The following SLIT1 variants were observed in gnomAD, a reference collection of about 807,000 sequenced individuals.
The protein encoded by SLIT1 is slit guidance ligand 1, also known as slit homolog 1 protein.
In SLIT1, 66 loss-of-function variants were observed where a neutral mutation model predicts 186.1. The observed-to-expected ratio is 0.35, with a 90% CI of 0.29 to 0.44. SLIT1 has a LOEUF of 0.44. SLIT1 is among the 20% of genes least tolerant of loss of function. The pLI is 1.00. For synonymous variants in SLIT1, 761 were observed against 833.8 expected (o/e 0.91, Z 1.50); for missense variants, 1,638 against 2,037.4 (o/e 0.80, Z 3.77).
intron 25 of SLIT1, among the ~76,000 whole-genome samples, chr10:97,026,455 A>G (rs1425183611): frequency 1.4e-5 from 2 of 146,334 alleles, no homozygotes; most frequent in Non-Finnish European, 3.0e-5. Context: ...TAAGAGCGAA[A>G]CTCCGTCTCT....
chr10:97,011,630 A>C (rs2134592378), intron 30 of SLIT1, among the ~76,000 whole-genome samples: 1 of 152,238 alleles, frequency 6.6e-6, no homozygotes, highest in Middle Eastern at 3.4e-3. Context: ...GACCTCAGGT[A>C]AGCCCCCAGC....
chr10:97,111,106 C>T (rs1849460157), intron 4 of SLIT1, among the ~76,000 whole-genome samples: 1 of 151,930 alleles, frequency 6.6e-6, no homozygotes. Context: ...AGGAGAATTG[C>T]TTGAACCTGG....
intron 3 of SLIT1, 110 bp downstream of exon 3, chr10:97,163,270 C>T (rs1850055992): frequency 1.1e-6 from 1 of 883,246 alleles, no homozygotes; most frequent in African/African-American, 1.6e-5. Flanking sequence ...GCAGGCTGGG[C>T]ATGGGGTCCC....
intron 4 of SLIT1, among the ~76,000 whole-genome samples, chr10:97,092,670 G>T (rs1261968323): frequency 6.6e-6 from 1 of 152,222 alleles, no homozygotes; most frequent in South Asian, 2.1e-4. Context: ...CAAGCTTCTG[G>T]AAGAGAGACT....
At chr10:97,122,459 C>T (rs1849567867) in intron 4 of SLIT1, among the ~76,000 whole-genome samples, 1 of 152,130 alleles carries the variant, frequency 6.6e-6, no homozygotes, top group African/African-American at 2.4e-5. Flanking sequence ...GCAGAGGAAC[C>T]CCATCCAGCC....
chr10:97,113,428 G>T (rs1409936242), intron 4 of SLIT1, among the ~76,000 whole-genome samples: 1 of 151,712 alleles, frequency 6.6e-6, no homozygotes, highest in Non-Finnish European at 1.5e-5. Context: ...AATAGAGAGG[G>T]GGTTTCACTA....
At chr10:97,092,924 ATTG>A (rs950617311) in intron 4 of SLIT1, among the ~76,000 whole-genome samples, 2 of 152,198 alleles carry the variant, frequency 1.3e-5, no homozygotes, top group African/African-American at 4.8e-5. Context: ...CCACTGGACT[ATTG>A]TTGGCTTCAT....
chr10:97,106,641 GT>G (rs202142134), intron 4 of SLIT1, among the ~76,000 whole-genome samples: 3,367 of 146,928 alleles, frequency 0.023, 77 homozygotes, highest in South Asian at 0.13. Context: ...AATTAAAGTT[GT>G]TTTTTTTTTT....
chr10:97,168,012 G>A (rs1048739296), intron 1 of SLIT1, among the ~76,000 whole-genome samples: 1 of 152,108 alleles, frequency 6.6e-6, no homozygotes, highest in Non-Finnish European at 1.5e-5. Flanking sequence ...GTGTGAGAAC[G>A]GACTAATAAA....
At chr10:97,091,358 G>C (rs537142931) in intron 4 of SLIT1, among the ~76,000 whole-genome samples, 22 of 152,196 alleles carry the variant, frequency 1.4e-4, no homozygotes, top group Non-Finnish European at 2.9e-4. Context: ...CTACTGATTA[G>C]GGTCTGTCCT....
chr10:97,054,755 C>G (rs1848822181), intron 13 of SLIT1, among the ~76,000 whole-genome samples: 1 of 152,136 alleles, frequency 6.6e-6, no homozygotes, highest in South Asian at 2.1e-4. Context: ...AGTCTAGACC[C>G]TACAGAACCA....
chr10:97,059,510 G>T lies in SLIT1; in HGVS notation c.1035C>A (p.Ile345=), dbSNP rs762663611. 1.9e-6 allele frequency: 3 copies of T among 1,613,682 alleles called. No homozygotes were observed. Among genetic ancestry groups the T allele is most frequent in the African/African-American group, 1.3e-5 (1 of 74,926 alleles). ...LRRIDLSNNQ[I]AEIAPDAFQG... ...GGAAGGCGTCGGGTGCAATCTCAGC[G>T]ATCTGATTGTTGCTCAGGTCTCTGC... The change falls in exon 11 of 37, where the codon ATC becomes ATA. Residue 345 remains isoleucine (I), a synonymous_variant. Transcript: ENST00000266058.
At chr10:97,114,493 A>T (rs1040505783) in intron 4 of SLIT1, among the ~76,000 whole-genome samples, 2 of 152,064 alleles carry the variant, frequency 1.3e-5, no homozygotes, top group East Asian at 1.9e-4. Flanking sequence ...GGCAACAAAA[A>T]TTTTTTAATT....
intron 22 of SLIT1, among the ~76,000 whole-genome samples, chr10:97,034,980 G>GGGC (rs1848625597): frequency 6.6e-6 from 1 of 152,184 alleles, no homozygotes; most frequent in African/African-American, 2.4e-5. Flanking sequence ...CAAAGACCCA[G>GGGC]AGTCTCAGAG....
At chr10:97,170,688 C>T (rs1203218306) in intron 1 of SLIT1, among the ~76,000 whole-genome samples, 2 of 152,264 alleles carry the variant, frequency 1.3e-5, no homozygotes, top group African/African-American at 4.8e-5. Flanking sequence ...TCCCTCCATT[C>T]CTGTGTGGTC....
intron 6 of SLIT1, among the ~76,000 whole-genome samples, chr10:97,064,503 G>T (rs1004747187): frequency 6.6e-6 from 1 of 152,154 alleles, no homozygotes; most frequent in South Asian, 2.1e-4. Flanking sequence ...GATGGGACGC[G>T]TCCCAGGCTT....
At chr10:97,130,374 G>A (rs1052299851) in intron 4 of SLIT1, among the ~76,000 whole-genome samples, 3 of 152,124 alleles carry the variant, frequency 2.0e-5, no homozygotes, top group African/African-American at 4.8e-5. Context: ...GTTCATCCAC[G>A]GATAAATGGA....
At chr10:97,008,214 CA>C (rs1397964080) in intron 31 of SLIT1, among the ~76,000 whole-genome samples, 1 of 151,900 alleles carries the variant, frequency 6.6e-6, no homozygotes, top group Non-Finnish European at 1.5e-5. Context: ...AAAAATCAAA[CA>C]AAAAATGAAA....
At chr10:97,132,402 T>C (rs1472341385) in intron 4 of SLIT1, among the ~76,000 whole-genome samples, 1 of 152,240 alleles carries the variant, frequency 6.6e-6, no homozygotes, top group Admixed American at 6.5e-5. Context: ...CCAGCTCCGA[T>C]GTCTGAGAGT....
Sources: gnomAD v4.1 joint callset for allele counts (sites outside exome capture counted in the v4.1 genomes callset) on GRCh38, gnomAD v4.1.1 for gene constraint, MANE v1.5 for transcripts, NCBI Gene and HGNC (gene_info 2026-07-23, HGNC 2026-07-21) for gene names.